The following KIAA0825 variants were observed in gnomAD, a reference collection of about 807,000 sequenced individuals.
The protein encoded by KIAA0825 is uncharacterized protein KIAA0825.
In KIAA0825, 119 loss-of-function variants were observed where a neutral mutation model predicts 147.6. The ratio of observed to expected loss-of-function variants is 0.81; its 90% CI spans 0.69 to 0.94. The LOEUF (loss-of-function observed/expected upper bound fraction) is 0.94. Among genes scored for constraint, KIAA0825 ranks in the 40% least tolerant of loss-of-function variants. KIAA0825 has a pLI of 0.00. For missense variants in KIAA0825, 1,381 were observed against 1,472.7 expected, an observed-to-expected ratio of 0.94 and a Z score of 1.02; for synonymous variants, 470 against 518.1, an observed-to-expected ratio of 0.91 and a Z score of 1.26.
intron 1 of KIAA0825, among the ~76,000 whole-genome samples, chr5:94,583,714 C>G (rs748166064): frequency 5.9e-5 from 9 of 152,334 alleles, no homozygotes; most frequent in Non-Finnish European, 7.3e-5. Flanking sequence ...AATGGACAGA[C>G]TGCCTCCTCA....
At chr5:94,572,603 T>G (rs1195988317) in intron 2 of KIAA0825, among the ~76,000 whole-genome samples, 1 of 152,162 alleles carries the variant, frequency 6.6e-6, no homozygotes, top group Admixed American at 6.5e-5. Flanking sequence ...TAATCTACCT[T>G]TCTATGGCAT....
chr5:94,384,342 A>AC, intron 20 of KIAA0825, 26 bp downstream of exon 20: 1 of 1,525,116 alleles, frequency 6.6e-7, no homozygotes. Context: ...CCTCAACCAG[A>AC]CCCCCAAGGT....
chr5:94,605,485 T>C (rs1028843339), intron 1 of KIAA0825, among the ~76,000 whole-genome samples: 2 of 152,162 alleles, frequency 1.3e-5, no homozygotes, highest in African/African-American at 4.8e-5. Flanking sequence ...CAGGCCAATA[T>C]TCTAGCTGAA....
intron 17 of KIAA0825, among the ~76,000 whole-genome samples, chr5:94,394,912 A>G (rs1750434168): frequency 6.6e-6 from 1 of 152,194 alleles, no homozygotes; most frequent in Non-Finnish European, 1.5e-5. Context: ...TGATGAGACC[A>G]GGAAAATCAT....
chr5:94,483,738 A>T (rs1355740525), intron 6 of KIAA0825, among the ~76,000 whole-genome samples: 3 of 151,800 alleles, frequency 2.0e-5, no homozygotes, highest in African/African-American at 7.2e-5. Flanking sequence ...AGGCCAGTAA[A>T]CTATGTTTAA....
chr5:94,583,606 A>G (rs566074096), intron 1 of KIAA0825, among the ~76,000 whole-genome samples: 111 of 152,168 alleles, frequency 7.3e-4, no homozygotes, highest in Non-Finnish European at 1.3e-3. Flanking sequence ...GGCATATATG[A>G]ACAAAAGACA....
intron 1 of KIAA0825, among the ~76,000 whole-genome samples, chr5:94,589,144 C>T (rs1410516555): frequency 6.6e-6 from 1 of 152,078 alleles, no homozygotes; most frequent in Non-Finnish European, 1.5e-5. Context: ...TACCCTAGAA[C>T]TTAGAGTATA....
chr5:94,510,847 A>G (rs1766375525), intron 5 of KIAA0825, among the ~76,000 whole-genome samples: 1 of 152,250 alleles, frequency 6.6e-6, no homozygotes, highest in Non-Finnish European at 1.5e-5. Flanking sequence ...ATGTCTGTGC[A>G]GAGAAATCAG....
intron 1 of KIAA0825, among the ~76,000 whole-genome samples, chr5:94,616,093 C>T (rs908146363): frequency 3.3e-5 from 5 of 151,896 alleles, no homozygotes; most frequent in Non-Finnish European, 2.9e-5. Flanking sequence ...TTTGAGATGA[C>T]GAACAAAACA....
At position 94,490,383 on chromosome 5, in the gene KIAA0825, CATAA is replaced by C. The variant is rs35811798; in HGVS notation, c.971-5457_971-5454del. Among the ~76,000 whole-genome samples, 519 of 152,130 alleles carry C rather than the reference CATAA, an allele frequency of 3.4e-3. 2 individuals are homozygous for C. The highest frequency in any genetic ancestry group is 0.011 in the African/African-American group (457 of 41,510). ...AAATAATTACAGATGTTTTTAAGTT[CATAA>C]ATAAATATTTACAATATTCTATAAA... On this transcript the variant is annotated intron_variant, in intron 5 of 20. Coordinates refer to ENST00000682413, the MANE Select transcript of KIAA0825 (RefSeq NM_001145678.3).
intron 20 of KIAA0825, among the ~76,000 whole-genome samples, chr5:94,383,922 C>T (rs1017915072): frequency 6.0e-4 from 91 of 151,920 alleles, no homozygotes; most frequent in African/African-American, 2.1e-3. Context: ...GTTTTACTTA[C>T]ATGTTTTCCT....
intron 16 of KIAA0825, among the ~76,000 whole-genome samples, chr5:94,397,285 G>T (rs1750792384): frequency 6.6e-6 from 1 of 152,084 alleles, no homozygotes; most frequent in African/African-American, 2.4e-5. Context: ...TTGCTTCTTT[G>T]TGTCCTATGC....
intron 18 of KIAA0825, among the ~76,000 whole-genome samples, chr5:94,386,784 CCATT>C (rs1188403636): frequency 6.6e-6 from 1 of 152,158 alleles, no homozygotes; most frequent in African/African-American, 2.4e-5. Context: ...GATTGCCCAT[CCATT>C]CATTAAGTGT....
rs966030506 is a variant in KIAA0825, at chr5:94,593,529, G to GT, written c.-152-10947dup. Reference sequence around the variant, plus strand: ...AACCACTATTAGAAAGCTTTGTAAAGTTTTTTGTAGCATTGGGACCCATTG... The same window carrying GT: ...AACCACTATTAGAAAGCTTTGTAAAGTTTTTTTGTAGCATTGGGACCCATTG... On this transcript the variant is annotated intron_variant, in intron 1 of 20. Coordinates refer to ENST00000682413, the MANE Select transcript of KIAA0825 (RefSeq NM_001145678.3). The GT allele has an allele frequency of 1.3e-5, 8 of 605,266 alleles. No homozygotes were observed. The East Asian group carries it at 1.3e-4, about 10-fold the overall frequency. The allele number at this position is 605,266 out of a possible 1,614,324, so 37.5% of individuals were successfully genotyped here.
At chr5:94,197,715 A>G (rs1771268159) in intron 20 of KIAA0825, among the ~76,000 whole-genome samples, 1 of 152,160 alleles carries the variant, frequency 6.6e-6, no homozygotes, top group Non-Finnish European at 1.5e-5. Flanking sequence ...TCCCAGCACC[A>G]CTTACTGAAT....
chr5:94,242,207 C>G (rs1201501166), intron 20 of KIAA0825, among the ~76,000 whole-genome samples: 1 of 152,206 alleles, frequency 6.6e-6, no homozygotes, highest in African/African-American at 2.4e-5. Flanking sequence ...ATTTCAGATT[C>G]AACTTGTCCC....
chr5:94,403,449 A>T, intron 16 of KIAA0825, 120 bp downstream of exon 16: 1 of 703,162 alleles, frequency 1.4e-6, no homozygotes, highest in Middle Eastern at 4.1e-4. Flanking sequence ...ACATCTACTT[A>T]ATGGAAGGAA....
intron 20 of KIAA0825, among the ~76,000 whole-genome samples, chr5:94,263,806 T>A (rs1204676758): frequency 2.0e-5 from 3 of 152,174 alleles, no homozygotes; most frequent in African/African-American, 7.2e-5. Context: ...CTTTTGTAAC[T>A]ACTGTTTTCC....
chr5:94,292,814 T>C (rs1777960259), intron 20 of KIAA0825, among the ~76,000 whole-genome samples: 1 of 152,202 alleles, frequency 6.6e-6, no homozygotes, highest in Admixed American at 6.5e-5. Flanking sequence ...ATTCAGGGAT[T>C]CAACTTTTTC....
Sources: gnomAD v4.1 joint callset for allele counts (sites outside exome capture counted in the v4.1 genomes callset) on GRCh38, gnomAD v4.1.1 for gene constraint, MANE v1.5 for transcripts, NCBI Gene and HGNC (gene_info 2026-07-23, HGNC 2026-07-21) for gene names.